Variants in ZNF248 observed in about 807,000 individuals in gnomAD.
The protein encoded by ZNF248 is KRAB protein domain.
In ZNF248, 20 loss-of-function variants were observed where a neutral mutation model predicts 44.3. The ratio of observed to expected loss-of-function variants is 0.45; its 90% confidence interval spans 0.32 to 0.66. The LOEUF (loss-of-function observed/expected upper bound fraction) is 0.66. Among genes scored for constraint, ZNF248 ranks in the 30% least tolerant of loss-of-function variants. The pLI, the probability that ZNF248 is intolerant of heterozygous loss-of-function variation, is 0.04. For synonymous variants in ZNF248, 224 were observed against 229.0 expected, an observed-to-expected ratio of 0.98 and a Z score of 0.20; for missense variants, 654 against 677.0, an observed-to-expected ratio of 0.97 and a Z score of 0.38.
chr10:37,852,360 T>C (rs2060422851), intron 3 of ZNF248, among the ~76,000 whole-genome samples: 1 of 151,890 alleles, frequency 6.6e-6, no homozygotes. Flanking sequence ...TTGTACTGAG[T>C]GAAAAAAGCT....
At chr10:37,847,453 C>A (rs1247786400) in intron 3 of ZNF248, among the ~76,000 whole-genome samples, 2 of 152,100 alleles carry the variant, frequency 1.3e-5, no homozygotes, top group African/African-American at 2.4e-5. Context: ...ATTTTCTTAG[C>A]ATGATAATTG....
At chr10:37,796,392 T>G (rs917889749) in intron 6 of ZNF248, among the ~76,000 whole-genome samples, 19 of 151,470 alleles carry the variant, frequency 1.3e-4, no homozygotes, top group African/African-American at 4.4e-4. Context: ...TTTTTTTTTG[T>G]ATTTTTATTA....
chr10:37,815,686 C>T (rs747578418), intron 6 of ZNF248, among the ~76,000 whole-genome samples: 6 of 151,898 alleles, frequency 4.0e-5, no homozygotes, highest in East Asian at 1.9e-4. Flanking sequence ...TTTCTTTGTT[C>T]ATCTTTTGAT....
chr10:37,780,865 A>T (rs532535216), intron 6 of ZNF248, among the ~76,000 whole-genome samples: 4 of 151,992 alleles, frequency 2.6e-5, no homozygotes, highest in African/African-American at 9.7e-5. Flanking sequence ...CCGCTCCCGG[A>T]GTGGTGTATA....
the ZNF248 span, among the ~76,000 whole-genome samples, chr10:37,767,526 G>C: frequency 6.6e-6 from 1 of 152,110 alleles, no homozygotes; most frequent in Non-Finnish European, 1.5e-5. Flanking sequence ...GCCAAACTAA[G>C]CTTCATAAGT....
At chr10:37,811,101 T>G (rs943512523) in intron 6 of ZNF248, among the ~76,000 whole-genome samples, 6 of 152,330 alleles carry the variant, frequency 3.9e-5, no homozygotes, top group African/African-American at 1.4e-4. Flanking sequence ...ATGCTGCAAG[T>G]GCTCCCAAGA....
Position 37,831,505 on chromosome 10 carries a change from T to G in ZNF248, c.*110A>C. ...AATTTTTCTTGAAAGCTTTTACATA[T>G]TCAAACAAGAAGTCATTTTCTACAA... On this transcript the variant is annotated 3_prime_UTR_variant, in exon 6 of 6. Transcript: ENST00000395867. 2 of 1,474,224 alleles carry G rather than the reference T, an allele frequency of 1.4e-6. No individual in the cohort carries two copies. Among genetic ancestry groups the G allele is most frequent in the East Asian group, 2.4e-5 (1 of 41,290 alleles). The allele number at this position is 1,474,224 out of a possible 1,614,324, so 91.3% of individuals were successfully genotyped here. A position where few individuals can be genotyped will look rare whatever the true frequency, so the allele number is the denominator to read the frequency against.
rs150125202 is a variant in ZNF248 at position 37,832,563 on chromosome 10, A to C, written c.792T>G (p.His264Gln). Residue 264 changes from histidine to glutamine, a missense_variant, in exon 6 of 6, where the codon CAT (histidine) becomes CAG (glutamine). By Grantham distance (24) the His-to-Gln change is conservative. Coordinates refer to ENST00000395867, the MANE Select transcript of ZNF248 (RefSeq NM_021045.3). ...SLKLNISQRP[H>Q]LEMEPYGCSI... Reference sequence around the variant, plus strand: ...TGCATCCATACGGCTCCATTTCCAAATGAGGTCTTTGAGATATATTCAGCT... The same window carrying C: ...TGCATCCATACGGCTCCATTTCCAACTGAGGTCTTTGAGATATATTCAGCT... 1.9e-6 allele frequency: 3 copies of C among 1,613,832 alleles called. No homozygotes were observed. In the African/African-American group the frequency reaches 4.0e-5, roughly 22 times the overall value.
At chr10:37,780,437 T>C (rs911317185) in intron 6 of ZNF248, among the ~76,000 whole-genome samples, 16 of 152,106 alleles carry the variant, frequency 1.1e-4, no homozygotes, top group African/African-American at 3.9e-4. Context: ...GTTTAATAAA[T>C]GGTGCTTGGA....
rs2055005473 is a variant in ZNF248, at chr10:37,829,371, T to C, written c.*2244A>G. ...AATCAGTCTGCCATTAAAATATTTT[T>C]AGTTGGAGAATTCTGTTTTCCACCA... is the stretch of plus-strand genomic sequence containing the variant. On this transcript the variant is annotated 3_prime_UTR_variant, in exon 6 of 6. Coordinates refer to ENST00000395867, the MANE Select transcript of ZNF248 (RefSeq NM_021045.3). The C allele has an allele frequency of 2.0e-6, 2 of 985,450 alleles. No homozygotes were observed. Among genetic ancestry groups the C allele is most frequent in the South Asian group, 4.7e-5 (1 of 21,290 alleles). The allele number at this position is 985,450 out of a possible 1,614,324, so 61.0% of individuals were successfully genotyped here.
In ZNF248 at chr10:37,837,693, T is replaced by C. The variant is rs1458190811; in HGVS notation, c.162A>G (p.Pro54=). 6.2e-7 allele frequency: 1 copy of C among 1,614,096 alleles called. No individual in the cohort carries two copies. Among genetic ancestry groups the C allele is most frequent in the Non-Finnish European group, 8.5e-7 (1 of 1,179,990 alleles). Residue 54 remains proline, a synonymous_variant, in exon 5 of 6, where the codon CCA becomes CCG. Coordinates refer to ENST00000395867, the MANE Select transcript of ZNF248 (RefSeq NM_021045.3). ...CTTGCTCGATCTTAAAGATCACTTC[T>C]GGTTTAGTAATGCAATACCCTGTTA... ...LVSVGYCITK[P]EVIFKIEQGE...
chr10:37,821,015 G>A (rs188014091), intron 6 of ZNF248: 223 of 1,337,044 alleles, frequency 1.7e-4, no homozygotes, highest in Non-Finnish European at 2.2e-4. Context: ...CGAGACTAAA[G>A]GTGCTCTGGG....
intron 6 of ZNF248, among the ~76,000 whole-genome samples, chr10:37,781,622 C>T (rs1414990773): frequency 2.6e-5 from 4 of 151,972 alleles, no homozygotes; most frequent in South Asian, 2.1e-4. Flanking sequence ...AGTGTACCAG[C>T]ACCCAACAGA....
At chr10:37,797,718 T>C (rs1735490894) in intron 6 of ZNF248, among the ~76,000 whole-genome samples, 1 of 152,106 alleles carries the variant, frequency 6.6e-6, no homozygotes. Context: ...TCAACAGCTT[T>C]AGTCATTAGG....
At chr10:37,782,202 T>C (rs1644342405) in intron 6 of ZNF248, among the ~76,000 whole-genome samples, 1 of 152,202 alleles carries the variant, frequency 6.6e-6, no homozygotes. Context: ...TCTAGTACTA[T>C]GTTGCACACC....
intron 6 of ZNF248, among the ~76,000 whole-genome samples, chr10:37,779,466 C>A (rs948601583): frequency 3.3e-5 from 5 of 152,038 alleles, no homozygotes; most frequent in Admixed American, 2.0e-4. Context: ...ATTCAACAAC[C>A]CTTCATGCTA....
intron 5 of ZNF248, among the ~76,000 whole-genome samples, chr10:37,835,365 T>TTG (rs2056931097): frequency 6.6e-6 from 1 of 152,182 alleles, no homozygotes; most frequent in Non-Finnish European, 1.5e-5. Context: ...AAGATAGCAG[T>TTG]AACATGGAAG....
At chr10:37,847,610 C>A (rs2059537015) in intron 3 of ZNF248, among the ~76,000 whole-genome samples, 1 of 151,936 alleles carries the variant, frequency 6.6e-6, no homozygotes, top group Non-Finnish European at 1.5e-5. Flanking sequence ...GCAAATAAGG[C>A]AAAAATGTTA....
At chr10:37,822,869 G>C (rs973316835) in intron 6 of ZNF248, among the ~76,000 whole-genome samples, 1 of 152,134 alleles carries the variant, frequency 6.6e-6, no homozygotes, top group Non-Finnish European at 1.5e-5. Context: ...CCACAGGTTA[G>C]ACAAGCCTGA....
Sources: allele counts gnomAD v4.1 joint callset (sites outside exome capture counted in the v4.1 genomes callset), GRCh38; gene constraint gnomAD v4.1.1; transcripts MANE v1.5; gene names NCBI Gene and HGNC (gene_info 2026-07-23, HGNC 2026-07-21).